ZFHX3: variants seen among roughly 807,000 people sequenced by gnomAD.
ZFHX3 encodes zinc finger homeobox protein 3.
ZFHX3 carries 42 observed loss-of-function variants against 279.1 expected under a neutral mutation model. The observed-to-expected ratio is 0.15, with a 90% CI of 0.12 to 0.19. The LOEUF (loss-of-function observed/expected upper bound fraction) is 0.19, where lower values mean the gene tolerates loss of function less well. Ranked by LOEUF, ZFHX3 falls within the 10% of genes least tolerant of loss-of-function variation. The pLI is 1.00. For synonymous variants in ZFHX3, 2,293 were observed against 1,957.8 expected, an observed-to-expected ratio of 1.17 and a Z score of -4.52; for missense variants, 4,981 against 4,754.0, an observed-to-expected ratio of 1.05 and a Z score of -1.40.
chr16:73,143,870 G>A, intron 5 of ZFHX3: 1 of 1,049,326 alleles, frequency 9.5e-7, no homozygotes, highest in Admixed American at 2.6e-5. Flanking sequence ...CGGTTGGGGA[G>A]ATGTTTGGCA....
intron 2 of ZFHX3, among the ~76,000 whole-genome samples, chr16:73,673,462 C>A (rs968486445): frequency 1.3e-5 from 2 of 151,932 alleles, no homozygotes; most frequent in East Asian, 1.9e-4. Flanking sequence ...GTTAAAGGAA[C>A]CTCATTCTCT....
intron 3 of ZFHX3, among the ~76,000 whole-genome samples, chr16:73,436,236 G>A (rs184743005): frequency 2.0e-5 from 3 of 152,252 alleles, no homozygotes; most frequent in Admixed American, 1.3e-4. Context: ...CAGGAGAATC[G>A]CTTGAGCCTG....
intron 5 of ZFHX3, among the ~76,000 whole-genome samples, chr16:73,161,176 T>C (rs918435975): frequency 6.6e-6 from 1 of 152,138 alleles, no homozygotes; most frequent in Non-Finnish European, 1.5e-5. Context: ...GGGGTCTCCC[T>C]ATATTGCCCA....
chr16:73,527,787 C>A (rs1242247007), intron 2 of ZFHX3, among the ~76,000 whole-genome samples: 2 of 152,218 alleles, frequency 1.3e-5, no homozygotes, highest in African/African-American at 2.4e-5. Flanking sequence ...CCAAGACCTG[C>A]CACCAGTCAC....
At chr16:73,183,295 T>C (rs1236333922) in intron 5 of ZFHX3, among the ~76,000 whole-genome samples, 1 of 152,200 alleles carries the variant, frequency 6.6e-6, no homozygotes, top group South Asian at 2.1e-4. Flanking sequence ...CTGTGTGATA[T>C]ATGCATGTAG....
chr16:73,068,702 G>A (rs897949146), intron 8 of ZFHX3, among the ~76,000 whole-genome samples: 38 of 152,348 alleles, frequency 2.5e-4, no homozygotes, highest in African/African-American at 8.7e-4. Context: ...GGGATGATCA[G>A]ATGACCAACT....
intron 2 of ZFHX3, among the ~76,000 whole-genome samples, chr16:73,462,446 C>G (rs2018488704): frequency 6.6e-6 from 1 of 152,042 alleles, no homozygotes; most frequent in Non-Finnish European, 1.5e-5. Context: ...ACTTCCAGTA[C>G]TATTTGGAAT....
Position 73,868,670 on chromosome 16 carries a change from C to T in ZFHX3, c.-1608+22981G>A, listed in dbSNP as rs74948787. Among the ~76,000 whole-genome samples the T allele has an allele frequency of 2.0e-5, 3 of 152,332 alleles. No homozygotes were observed. In the East Asian group the frequency reaches 5.8e-4, roughly 29 times the overall value. ...CCCCTTAAGGACAACTCCTTAGACA[C>T]TGTAAAAAACCTAAGCATATTAACT... On this transcript the variant is annotated intron_variant, in intron 1 of 17. Coordinates refer to the ZFHX3 transcript ENST00000641206.
Position 72,794,930 on chromosome 16 carries a change from C to T in ZFHX3, c.7752G>A (p.Leu2584=), listed in dbSNP as rs2035846092. Residue 2584 remains leucine, a synonymous_variant, in exon 9 of 10, where the codon CTG becomes CTA. Coordinates refer to ENST00000268489, the MANE Select transcript of ZFHX3 (RefSeq NM_006885.4). This position sits in a 1 kb window ranked among gnomAD's most constrained non-coding sequence, Gnocchi z 4.2. Reference sequence around the variant, plus strand: ...TGGCCCCAGAGAGCAGCTGGCTGGCCAGGAGTGGGTTACTGGGATCAAAGA... The same window carrying T: ...TGGCCCCAGAGAGCAGCTGGCTGGCTAGGAGTGGGTTACTGGGATCAAAGA... ...FMLFDPSNPL[L]ASQLLSGAIP... 1 of 1,613,944 alleles carries T rather than the reference C, an allele frequency of 6.2e-7. No homozygotes were observed. The highest frequency in any genetic ancestry group is 1.3e-5 in the African/African-American group (1 of 74,882).
At chr16:73,523,829 TC>T (rs2143712097) in intron 2 of ZFHX3, among the ~76,000 whole-genome samples, 1 of 152,192 alleles carries the variant, frequency 6.6e-6, no homozygotes, top group Admixed American at 6.5e-5. Context: ...AATTCAGACA[TC>T]CACCATTGAA....
At chr16:73,145,248 C>T (rs2144839154) in intron 5 of ZFHX3, among the ~76,000 whole-genome samples, 1 of 152,306 alleles carries the variant, frequency 6.6e-6, no homozygotes, top group South Asian at 2.1e-4. Context: ...CCAGCTTTCT[C>T]TCAAGCTGAC....
In ZFHX3 at chr16:73,206,888, G is replaced by A. The variant is rs547678712; in HGVS notation, c.-1104+50159C>T. Among the ~76,000 whole-genome samples, 68 of 151,912 alleles carry A rather than the reference G, an allele frequency of 4.5e-4. No homozygotes were observed. The South Asian group carries it at 5.9e-3, about 13-fold the overall frequency. On this transcript the variant is annotated intron_variant, in intron 5 of 17. Coordinates refer to the ZFHX3 transcript ENST00000641206. ...TTAAAATTATCCGGGTGTGATGGCG[G>A]GTACCTGTAGTTGCAGCTACTTGGG... is the stretch of plus-strand genomic sequence containing the variant.
intron 1 of ZFHX3, among the ~76,000 whole-genome samples, chr16:73,830,314 T>C (rs536294991): frequency 6.7e-6 from 1 of 148,484 alleles, no homozygotes; most frequent in East Asian, 2.0e-4. Flanking sequence ...TGGCACTCCC[T>C]AGTGAGATGA....
At chr16:73,195,823 G>C (rs1316115241) in intron 5 of ZFHX3, among the ~76,000 whole-genome samples, 1 of 152,198 alleles carries the variant, frequency 6.6e-6, no homozygotes, top group Non-Finnish European at 1.5e-5. Context: ...GCTAGAGAGA[G>C]TGAGGGGCCT....
At chr16:73,480,583 G>C (rs2018849071) in intron 2 of ZFHX3, among the ~76,000 whole-genome samples, 1 of 152,170 alleles carries the variant, frequency 6.6e-6, no homozygotes, top group African/African-American at 2.4e-5. Context: ...AATGTGCCTG[G>C]AATGTTTGCA....
intron 1 of ZFHX3, among the ~76,000 whole-genome samples, chr16:73,691,867 A>T (rs928531834): frequency 3.3e-5 from 5 of 152,244 alleles, no homozygotes; most frequent in African/African-American, 1.2e-4. Context: ...CCTTCTAAAA[A>T]TGTTTAAGGA....
At chr16:73,366,119 AG>A (rs2016524399) in intron 3 of ZFHX3, among the ~76,000 whole-genome samples, 1 of 152,258 alleles carries the variant, frequency 6.6e-6, no homozygotes, top group African/African-American at 2.4e-5. Flanking sequence ...GATGATCACT[AG>A]GATACTTTAA....
chr16:73,638,763 A>AGTGCCTTTT (rs1306926877), intron 2 of ZFHX3, among the ~76,000 whole-genome samples: 1 of 152,232 alleles, frequency 6.6e-6, no homozygotes. Context: ...ACAGTGCCAC[A>AGTGCCTTTT]AATATAAAAG....
chr16:72,915,279 A>G (rs1316423227), intron 3 of ZFHX3, among the ~76,000 whole-genome samples: 25 of 152,178 alleles, frequency 1.6e-4, no homozygotes, highest in Admixed American at 1.6e-3. Context: ...AAAGAATCAC[A>G]CCATACAAAT....
Sources: allele counts gnomAD v4.1 joint callset (sites outside exome capture counted in the v4.1 genomes callset), GRCh38; gene constraint gnomAD v4.1.1; non-coding constraint Gnocchi (gnomAD v3.1); transcripts MANE v1.5; gene names NCBI Gene and HGNC (gene_info 2026-07-23, HGNC 2026-07-21).